The following CCDC73 variants were observed in gnomAD, a reference collection of about 807,000 sequenced individuals.
The protein encoded by CCDC73 is coiled-coil domain containing 73.
In CCDC73, 95 loss-of-function variants were observed where a neutral mutation model predicts 116.5. The observed-to-expected ratio is 0.82, with a 90% CI of 0.69 to 0.97. The LOEUF (loss-of-function observed/expected upper bound fraction) is 0.97, where lower values mean the gene tolerates loss of function less well. CCDC73 is among the 50% of genes least tolerant of loss of function. The probability of loss-of-function intolerance (pLI) is 0.00; values close to 1 mark genes in which losing one functional copy is unlikely to be tolerated. For missense variants in CCDC73, 1,066 were observed against 1,206.8 expected, an observed-to-expected ratio of 0.88 and a Z score of 1.73; for synonymous variants, 398 against 401.3, an observed-to-expected ratio of 0.99 and a Z score of 0.10.
intron 3 of CCDC73, among the ~76,000 whole-genome samples, chr11:32,715,792 G>C (rs1849940044): frequency 1.3e-5 from 2 of 152,096 alleles, no homozygotes; most frequent in East Asian, 3.9e-4. Context: ...TTATATCACT[G>C]TTTGTTTCAG....
intron 13 of CCDC73, among the ~76,000 whole-genome samples, chr11:32,640,274 T>C (rs1203390660): frequency 6.6e-6 from 1 of 152,168 alleles, no homozygotes; most frequent in Non-Finnish European, 1.5e-5. Flanking sequence ...TTATCCACAT[T>C]TATAGATTGA....
At position 32,760,164 on chromosome 11, in the gene CCDC73, A is replaced by G. The variant is rs1215763311; in HGVS notation, c.80T>C (p.Leu27Pro). ...CAGTAAACTTGTTTTGAAATCTAAT[A>G]GCTGAATAGAAAACAATGTCTCTGA... is the stretch of plus-strand genomic sequence containing the variant. ...SSSETLFSIQ[L>P]LDFKTSLLEA... is the part of the protein sequence containing the mutation. The change falls in exon 2 of 18, where the codon CTA becomes CCA. Residue 27 changes from leucine to proline, a missense_variant. Physicochemically the swap from Leu to Pro is moderately conservative, Grantham distance 98. Transcript: ENST00000335185. 1.2e-6 allele frequency: 2 copies of G among 1,604,070 alleles called. No homozygotes were observed. The highest frequency in any genetic ancestry group is 1.7e-6 in the Non-Finnish European group (2 of 1,173,036).
At chr11:32,766,028 C>T (rs931210445) in intron 1 of CCDC73, among the ~76,000 whole-genome samples, 4 of 152,218 alleles carry the variant, frequency 2.6e-5, no homozygotes, top group Admixed American at 2.6e-4. Flanking sequence ...AGGCCAATAT[C>T]CTTAATGAAC....
intron 2 of CCDC73, among the ~76,000 whole-genome samples, chr11:32,724,303 G>A (rs1312661969): frequency 6.6e-6 from 1 of 151,972 alleles, no homozygotes; most frequent in Admixed American, 6.6e-5. Flanking sequence ...CAAATTTAAT[G>A]TGCCCTTTCT....
In CCDC73 at chr11:32,635,837, T is replaced by TA; in HGVS notation, c.1051-8dup. 2.6e-6 allele frequency: 3 copies of TA among 1,133,678 alleles called. No individual in the cohort carries two copies. Among genetic ancestry groups the TA allele is most frequent in the African/African-American group, 1.6e-5 (1 of 62,940 alleles). 70.2% of individuals were successfully genotyped at this position (1,133,678 alleles called of 1,614,324 possible). A position where few individuals can be genotyped will look rare whatever the true frequency, so the allele number is the denominator to read the frequency against. On this transcript the variant is annotated splice_region_variant and splice_polypyrimidine_tract_variant and intron_variant, in intron 13 of 17. Transcript: ENST00000335185. Reference sequence around the variant, plus strand: ...CTCCATTAAGTTCTTCAGCCTATTATAAAAAAGGAACCAGAATAAACAAGT... The same window carrying TA: ...CTCCATTAAGTTCTTCAGCCTATTATAAAAAAAGGAACCAGAATAAACAAGT...
intron 13 of CCDC73, among the ~76,000 whole-genome samples, chr11:32,638,472 T>C (rs1005924664): frequency 1.3e-5 from 2 of 152,128 alleles, no homozygotes; most frequent in African/African-American, 4.8e-5. Flanking sequence ...GATTGTTCTA[T>C]TTCTTTTATT....
chr11:32,673,694 T>C (rs550717897), intron 9 of CCDC73, among the ~76,000 whole-genome samples: 12 of 152,340 alleles, frequency 7.9e-5, no homozygotes, highest in African/African-American at 2.6e-4. Context: ...ACTAATGTTT[T>C]ACCCTAAACA....
chr11:32,830,048 A>T, the CCDC73 span: 1 of 987,274 alleles, frequency 1.0e-6, no homozygotes, highest in Non-Finnish European at 1.2e-6. Flanking sequence ...GACCCTGCGG[A>T]GAGCGAGGCC....
At chr11:32,777,706 A>AG (rs1850549810) in intron 1 of CCDC73, among the ~76,000 whole-genome samples, 1 of 152,148 alleles carries the variant, frequency 6.6e-6, no homozygotes. Flanking sequence ...ATATTTTATA[A>AG]GAAAGGTATA....
chr11:32,799,549 A>G (rs1051195285), upstream of CCDC73, among the ~76,000 whole-genome samples: 1 of 152,186 alleles, frequency 6.6e-6, no homozygotes, highest in African/African-American at 2.4e-5. Context: ...TACACTTAAC[A>G]TAGATTAAAG....
At chr11:32,780,547 C>T (rs140252515) in intron 1 of CCDC73, among the ~76,000 whole-genome samples, 149 of 151,964 alleles carry the variant, frequency 9.8e-4, no homozygotes, top group African/African-American at 3.4e-3. Flanking sequence ...TTTATGTTAA[C>T]GGATGTTTAC....
chr11:32,779,755 T>A (rs1850566762), intron 1 of CCDC73, among the ~76,000 whole-genome samples: 1 of 152,130 alleles, frequency 6.6e-6, no homozygotes, highest in South Asian at 2.1e-4. Flanking sequence ...TCCAGGTTAA[T>A]CTCAAAAATA....
intron 1 of CCDC73, among the ~76,000 whole-genome samples, chr11:32,775,295 C>T (rs1022141814): frequency 1.3e-5 from 2 of 152,162 alleles, no homozygotes; most frequent in African/African-American, 4.8e-5. Context: ...TATAGGCTTG[C>T]TGTTCCTTCT....
chr11:32,813,264 T>C, the CCDC73 span, among the ~76,000 whole-genome samples: 1 of 152,194 alleles, frequency 6.6e-6, no homozygotes, highest in African/African-American at 2.4e-5. Context: ...CTTGATGTCA[T>C]ATATTCTCGT....
In CCDC73 at chr11:32,721,049, C is replaced by T. The variant is rs769785047; in HGVS notation, c.136-2902G>A. 5.9e-5 allele frequency among the ~76,000 whole-genome samples: 9 copies of T among 152,222 alleles called. No homozygotes were observed. The East Asian group carries it at 1.5e-3, about 26-fold the overall frequency. ...TTTTTTATTTTTTGAGACACAGTCT[C>T]GCTCTGTCACCCAGATCCAGCCTGG... On this transcript the variant is annotated intron_variant, in intron 2 of 17. Coordinates refer to ENST00000335185, the MANE Select transcript of CCDC73 (RefSeq NM_001008391.4).
At chr11:32,661,288 A>G (rs1239915603) in intron 9 of CCDC73, among the ~76,000 whole-genome samples, 1 of 152,146 alleles carries the variant, frequency 6.6e-6, no homozygotes, top group East Asian at 1.9e-4. Context: ...CTCTTCATCA[A>G]TTGGAGTGAA....
intron 13 of CCDC73, among the ~76,000 whole-genome samples, chr11:32,641,645 G>A (rs988471583): frequency 2.7e-4 from 41 of 151,042 alleles, no homozygotes; most frequent in African/African-American, 9.9e-4. Flanking sequence ...ACTATGCAAT[G>A]GTTTTATGAA....
rs181701319 is a variant in CCDC73 at position 32,610,010 on chromosome 11, C to T, written c.3030+1122G>A. On this transcript the variant is annotated intron_variant, in intron 17 of 17. Coordinates refer to ENST00000335185, the MANE Select transcript of CCDC73 (RefSeq NM_001008391.4). ...TTCACCATGTCAGCCAGGATGGTCT[C>T]GATCTCCTGACCTCATGATCCGCCC... 7.1e-3 allele frequency among the ~76,000 whole-genome samples: 1,066 copies of T among 150,226 alleles called. 17 individuals carry two copies. The highest frequency in any genetic ancestry group is 0.025 in the African/African-American group (1,026 of 40,692).
At chr11:32,825,561 C>G in the CCDC73 span, among the ~76,000 whole-genome samples, 1 of 152,142 alleles carries the variant, frequency 6.6e-6, no homozygotes, top group Admixed American at 6.6e-5. Flanking sequence ...CTCAGCCTCC[C>G]AAAGTGCTGG....
Sources: allele counts gnomAD v4.1 joint callset (sites outside exome capture counted in the v4.1 genomes callset), GRCh38; gene constraint gnomAD v4.1.1; transcripts MANE v1.5; gene names NCBI Gene and HGNC (gene_info 2026-07-23, HGNC 2026-07-21).